Variants in GRM1 observed in about 807,000 individuals in gnomAD.
GRM1 encodes the protein glutamate metabotropic receptor 1.
Under a neutral mutation model 90.9 loss-of-function variants are expected in GRM1, and 33 were observed. The ratio of observed to expected loss-of-function variants is 0.36; its 90% CI spans 0.28 to 0.49. The LOEUF is 0.49. Among genes scored for constraint, GRM1 ranks in the 20% least tolerant of loss-of-function variants. The pLI is 0.99. For missense variants in GRM1, 1,190 were observed against 1,534.3 expected, an observed-to-expected ratio of 0.78 and a Z score of 3.75; for synonymous variants, 700 against 613.2, an observed-to-expected ratio of 1.14 and a Z score of -2.09.
intron 2 of GRM1, among the ~76,000 whole-genome samples, chr6:146,260,267 C>A (rs1206969081): frequency 6.6e-6 from 1 of 151,940 alleles, no homozygotes; most frequent in Non-Finnish European, 1.5e-5. Flanking sequence ...TTTCTTGTTC[C>A]TGTGTTAGTT....
At chr6:146,351,036 T>C (rs1165529779) in intron 3 of GRM1, among the ~76,000 whole-genome samples, 3 of 152,214 alleles carry the variant, frequency 2.0e-5, no homozygotes, top group African/African-American at 4.8e-5. Flanking sequence ...TCCATTTTCA[T>C]CCCAAGTTCG....
chr6:146,175,335 C>T (rs1778301733), intron 2 of GRM1, among the ~76,000 whole-genome samples: 1 of 152,122 alleles, frequency 6.6e-6, no homozygotes, highest in South Asian at 2.1e-4. Flanking sequence ...TCAATGACAC[C>T]ATTGGAGGAC....
chr6:146,176,926 C>T (rs1381038429), intron 2 of GRM1, among the ~76,000 whole-genome samples: 1 of 151,964 alleles, frequency 6.6e-6, no homozygotes, highest in Non-Finnish European at 1.5e-5. Flanking sequence ...AAAGTGATAC[C>T]AATATTAACA....
chr6:146,173,528 G>A lies in GRM1; in HGVS notation c.950+13931G>A, dbSNP rs745940656. Reference sequence around the variant, plus strand: ...GTGAATAAACTGATTTTGATGAATAGTAAAATAATTAAGAGCCACTGCCTT... The same window carrying A: ...GTGAATAAACTGATTTTGATGAATAATAAAATAATTAAGAGCCACTGCCTT... On this transcript the variant is annotated intron_variant, in intron 2 of 7. Coordinates refer to ENST00000282753, the MANE Select transcript of GRM1 (RefSeq NM_001278064.2). Among the ~76,000 whole-genome samples the A allele has an allele frequency of 1.1e-4, 17 of 151,842 alleles. 1 individual carries two copies. The highest frequency in any genetic ancestry group is 2.2e-4 in the Non-Finnish European group (15 of 67,984).
At chr6:146,128,708 G>A (rs905607168) in intron 1 of GRM1, among the ~76,000 whole-genome samples, 2 of 152,154 alleles carry the variant, frequency 1.3e-5, no homozygotes, top group African/African-American at 4.8e-5. Flanking sequence ...CACAATGAAT[G>A]TGTGTCTGGT....
At chr6:146,099,548 C>T (rs1776980850) in intron 1 of GRM1, among the ~76,000 whole-genome samples, 1 of 152,184 alleles carries the variant, frequency 6.6e-6, no homozygotes, top group African/African-American at 2.4e-5. Flanking sequence ...ACTGCTTATA[C>T]TATCCTGGCT....
intron 1 of GRM1, among the ~76,000 whole-genome samples, chr6:146,099,755 C>G (rs1197558040): frequency 2.0e-5 from 3 of 152,220 alleles, no homozygotes; most frequent in South Asian, 2.1e-4. Context: ...TAATACTATA[C>G]AGTGTCCTTT....
chr6:146,237,174 C>T (rs1466714468), intron 2 of GRM1, among the ~76,000 whole-genome samples: 1 of 151,902 alleles, frequency 6.6e-6, no homozygotes. Flanking sequence ...GTGATTTTTG[C>T]AGATTTTCCT....
chr6:146,418,307 GA>G (rs1248317234), intron 7 of GRM1, among the ~76,000 whole-genome samples: 1 of 151,610 alleles, frequency 6.6e-6, no homozygotes, highest in East Asian at 1.9e-4. Context: ...AAGCTAAGAG[GA>G]AAAAGAATCA....
chr6:146,349,129 C>T (rs1173581129), intron 3 of GRM1, among the ~76,000 whole-genome samples: 1 of 150,136 alleles, frequency 6.7e-6, no homozygotes, highest in Non-Finnish European at 1.5e-5. Flanking sequence ...TGCAGTGGCG[C>T]GATCTCGGCT....
intron 2 of GRM1, among the ~76,000 whole-genome samples, chr6:146,276,799 T>C (rs147517647): frequency 2.4e-4 from 36 of 152,290 alleles, no homozygotes; most frequent in African/African-American, 5.5e-4. Context: ...TTAATGTTCT[T>C]GAGTGTAAAG....
chr6:146,223,178 C>T (rs925002913), intron 2 of GRM1, among the ~76,000 whole-genome samples: 3 of 151,860 alleles, frequency 2.0e-5, no homozygotes, highest in African/African-American at 7.3e-5. Flanking sequence ...AGTAGATCAC[C>T]GGCGCTATTC....
At chr6:146,151,066 T>A (rs1008458249) in intron 1 of GRM1, among the ~76,000 whole-genome samples, 1 of 152,160 alleles carries the variant, frequency 6.6e-6, no homozygotes, top group Non-Finnish European at 1.5e-5. Context: ...CGACATTCTC[T>A]TGTTTGTCCA....
chr6:146,308,336 T>A (rs150346997), intron 3 of GRM1, among the ~76,000 whole-genome samples: 293 of 152,216 alleles, frequency 1.9e-3, no homozygotes, highest in African/African-American at 6.7e-3. Context: ...TTAAATGAAA[T>A]AACACAAATG....
intron 5 of GRM1, among the ~76,000 whole-genome samples, chr6:146,369,953 C>G (rs1775838155): frequency 6.6e-6 from 1 of 151,980 alleles, no homozygotes; most frequent in African/African-American, 2.4e-5. Context: ...GTATAGCAGT[C>G]TATCTGTCTC....
At chr6:146,282,116 C>A (rs747300186) in intron 2 of GRM1, among the ~76,000 whole-genome samples, 5 of 151,958 alleles carry the variant, frequency 3.3e-5, no homozygotes, top group Admixed American at 6.6e-5. Flanking sequence ...AGCACTGGTG[C>A]CTTTGTGTAC....
intron 1 of GRM1, among the ~76,000 whole-genome samples, chr6:146,127,717 T>G (rs1004668615): frequency 6.6e-6 from 1 of 152,234 alleles, no homozygotes; most frequent in African/African-American, 2.4e-5. Flanking sequence ...TGTGTAATCT[T>G]CAGCAAGATT....
At position 146,304,687 on chromosome 6, in the gene GRM1, C is replaced by T. The variant is rs1208672905; in HGVS notation, c.1027C>T (p.Gln343Ter). The change falls in exon 3 of 8, where the codon CAG (glutamine) becomes TAG (stop). Residue 343 changes from glutamine to a stop codon, truncating the protein, a stop_gained. Transcript: ENST00000282753. LOFTEE classifies it high-confidence loss of function. The stretch of plus-strand genomic sequence containing the variant: ...CAACGGGGGAATCACGATAAAGCTG[C>T]AGTCTCCAGAGGTCAGGTCATTTGA... ...EANGGITIKL[Q>*]SPEVRSFDDY... is the part of the protein sequence containing the mutation. 1 of 1,613,774 alleles carries T rather than the reference C, an allele frequency of 6.2e-7. No individual in the cohort carries two copies. Among genetic ancestry groups the T allele is most frequent in the Non-Finnish European group, 8.5e-7 (1 of 1,179,876 alleles).
chr6:146,272,431 G>A (rs999744613), intron 2 of GRM1, among the ~76,000 whole-genome samples: 2 of 152,198 alleles, frequency 1.3e-5, no homozygotes, highest in African/African-American at 4.8e-5. Context: ...GGACCTTTTA[G>A]ACTACGAGAA....
Sources: gnomAD v4.1 joint callset for allele counts (sites outside exome capture counted in the v4.1 genomes callset) on GRCh38, gnomAD v4.1.1 for gene constraint, MANE v1.5 for transcripts, NCBI Gene and HGNC (gene_info 2026-07-23, HGNC 2026-07-21) for gene names.